The following CSMD1 variants were observed in gnomAD, a reference collection of about 807,000 sequenced individuals.
CSMD1 encodes CUB and Sushi multiple domains 1.
A neutral mutation model predicts 417.5 loss-of-function variants in CSMD1; 213 were observed. That is an observed-to-expected ratio of 0.51 (90% CI 0.46 to 0.57). The LOEUF (loss-of-function observed/expected upper bound fraction) is 0.57. Among genes scored for constraint, CSMD1 ranks in the 20% least tolerant of loss-of-function variants. CSMD1 has a pLI of 0.00. For synonymous variants in CSMD1, 2,862 were observed against 1,736.8 expected (o/e 1.65, Z -16.11); for missense variants, 6,923 against 4,529.7 (o/e 1.53, Z -15.17).
intron 3 of CSMD1, among the ~76,000 whole-genome samples, chr8:4,074,079 A>C (rs1799698898): frequency 6.6e-6 from 1 of 152,058 alleles, no homozygotes; most frequent in South Asian, 2.1e-4. Flanking sequence ...GGAATAGACA[A>C]ATTTTGTAAT....
chr8:4,043,142 AC>A (rs1436056507), intron 3 of CSMD1, among the ~76,000 whole-genome samples: 1 of 152,168 alleles, frequency 6.6e-6, no homozygotes, highest in African/African-American at 2.4e-5. Context: ...ACAAAACAAA[AC>A]AAAACAATAA....
At chr8:4,520,675 T>C (rs1422338496) in intron 2 of CSMD1, among the ~76,000 whole-genome samples, 3 of 152,214 alleles carry the variant, frequency 2.0e-5, no homozygotes, top group African/African-American at 7.2e-5. Context: ...AACAGACTTG[T>C]TCTGAAAGTC....
At chr8:4,197,214 C>T (rs1244674690) in intron 3 of CSMD1, among the ~76,000 whole-genome samples, 1 of 152,154 alleles carries the variant, frequency 6.6e-6, no homozygotes, top group Non-Finnish European at 1.5e-5. Flanking sequence ...GTAAGAGCAT[C>T]ATGAATTCTG....
chr8:4,108,224 G>A (rs922208031), intron 3 of CSMD1, among the ~76,000 whole-genome samples: 3 of 152,086 alleles, frequency 2.0e-5, no homozygotes, highest in Admixed American at 6.6e-5. Flanking sequence ...GAAGTCCTTC[G>A]TAAACATTTA....
chr8:4,373,027 C>A (rs1023705469), intron 3 of CSMD1, among the ~76,000 whole-genome samples: 2 of 152,154 alleles, frequency 1.3e-5, no homozygotes, highest in African/African-American at 4.8e-5. Flanking sequence ...AGTGATGATT[C>A]GGGCTCACAG....
At chr8:3,928,822 A>T (rs1046727830) in intron 5 of CSMD1, among the ~76,000 whole-genome samples, 6 of 104,220 alleles carry the variant, frequency 5.8e-5, no homozygotes, top group Admixed American at 1.5e-4. Context: ...CAGCGATTCC[A>T]CCTACCCCAG....
intron 5 of CSMD1, among the ~76,000 whole-genome samples, chr8:3,786,623 A>G (rs1454925376): frequency 3.9e-5 from 6 of 152,188 alleles, no homozygotes; most frequent in Admixed American, 3.9e-4. Context: ...GCAGTTGCTT[A>G]AATCTAGCAT....
At chr8:4,321,947 C>A (rs1331057544) in intron 3 of CSMD1, among the ~76,000 whole-genome samples, 1 of 151,944 alleles carries the variant, frequency 6.6e-6, no homozygotes, top group East Asian at 1.9e-4. Flanking sequence ...CATTTTTTCA[C>A]ATTATCACTA....
At chr8:3,594,456 C>T (rs1226494949) in intron 8 of CSMD1, among the ~76,000 whole-genome samples, 3 of 151,842 alleles carry the variant, frequency 2.0e-5, no homozygotes, top group Admixed American at 2.0e-4. Context: ...ATTAAAAAAC[C>T]ACCACAGCAA....
chr8:2,989,556 A>T (rs933916105), intron 54 of CSMD1, among the ~76,000 whole-genome samples: 5 of 152,228 alleles, frequency 3.3e-5, no homozygotes, highest in African/African-American at 1.2e-4. Flanking sequence ...AAGAAGTTTA[A>T]AAAACAAAGG....
intron 1 of CSMD1, among the ~76,000 whole-genome samples, chr8:4,757,959 CAAAAAAAAAA>C (rs35869578): frequency 2.8e-5 from 2 of 72,058 alleles, no homozygotes; most frequent in East Asian, 3.7e-4. Flanking sequence ...GACTTTGTCT[CAAAAAAAAAA>C]AAAAAAAAAA....
chr8:4,450,106 G>C (rs113176314), intron 2 of CSMD1, among the ~76,000 whole-genome samples: 1,530 of 152,110 alleles, frequency 0.01, 24 homozygotes, highest in African/African-American at 0.035. Flanking sequence ...AATTTATCCT[G>C]TACACCAGCA....
At chr8:3,589,812 A>G (rs79798979) in intron 8 of CSMD1, among the ~76,000 whole-genome samples, 5,712 of 152,250 alleles carry the variant, frequency 0.038, 281 homozygotes, top group Admixed American at 0.13. Flanking sequence ...GCTTGATTTG[A>G]CCATTTCACA....
At chr8:3,413,186 C>G (rs1028469306) in intron 12 of CSMD1, among the ~76,000 whole-genome samples, 5 of 152,222 alleles carry the variant, frequency 3.3e-5, no homozygotes, top group Non-Finnish European at 7.3e-5. Flanking sequence ...ATTAGCAAGC[C>G]TTAAATGTTT....
At chr8:4,047,637 G>A (rs540109000) in intron 3 of CSMD1, among the ~76,000 whole-genome samples, 112 of 152,014 alleles carry the variant, frequency 7.4e-4, no homozygotes, top group Non-Finnish European at 1.3e-3. Flanking sequence ...ATGCAATATC[G>A]CCCTCAGTGA....
intron 18 of CSMD1, among the ~76,000 whole-genome samples, chr8:3,375,921 C>T (rs7011397): frequency 0.31 from 47,763 of 152,054 alleles, 8,203 homozygotes; most frequent in African/African-American, 0.46. Context: ...ACATGTCCCT[C>T]CCTCTCAACC....
At chr8:3,263,234 G>C (rs924866707) in intron 26 of CSMD1, among the ~76,000 whole-genome samples, 8 of 152,298 alleles carry the variant, frequency 5.3e-5, no homozygotes, top group African/African-American at 1.7e-4. Context: ...GAGTACCTGG[G>C]ATTACAGGTG....
chr8:3,638,520 T>C (rs1797151775), intron 7 of CSMD1, among the ~76,000 whole-genome samples: 1 of 152,166 alleles, frequency 6.6e-6, no homozygotes, highest in Admixed American at 6.5e-5. Flanking sequence ...TAAATATATT[T>C]GGTAATTCAG....
chr8:4,682,731 T>C (rs1256454059), intron 1 of CSMD1, among the ~76,000 whole-genome samples: 1 of 151,678 alleles, frequency 6.6e-6, no homozygotes, highest in Non-Finnish European at 1.5e-5. Context: ...TTGTCCAATA[T>C]TACGTTGCTG....
Sources: gnomAD v4.1 joint callset for allele counts (sites outside exome capture counted in the v4.1 genomes callset) on GRCh38, gnomAD v4.1.1 for gene constraint, MANE v1.5 for transcripts, NCBI Gene and HGNC (gene_info 2026-07-23, HGNC 2026-07-21) for gene names.